Variants in MAP2K1 observed in about 807,000 individuals in gnomAD.
The protein encoded by MAP2K1 is mitogen-activated protein kinase kinase 1, also known as dual specificity mitogen-activated protein kinase kinase 1.
A neutral mutation model predicts 46.3 loss-of-function variants in MAP2K1; 16 were observed. The observed-to-expected ratio is 0.35, with a 90% confidence interval of 0.23 to 0.52. The LOEUF is 0.52. Ranked by LOEUF, MAP2K1 falls within the 20% of genes least tolerant of loss-of-function variation. The pLI is 0.94. For synonymous variants in MAP2K1, 183 were observed against 185.6 expected, an observed-to-expected ratio of 0.99 and a Z score of 0.11; for missense variants, 263 against 497.1, an observed-to-expected ratio of 0.53 and a Z score of 4.48.
At chr15:66,392,106 G>C (rs1293119196) in intron 1 of MAP2K1, among the ~76,000 whole-genome samples, 1 of 151,972 alleles carries the variant, frequency 6.6e-6, no homozygotes, top group Non-Finnish European at 1.5e-5. Context: ...CTACATTCAG[G>C]CTCTTAAAGT....
chr15:66,482,799 C>T (rs1005761768), intron 6 of MAP2K1, among the ~76,000 whole-genome samples: 7 of 152,072 alleles, frequency 4.6e-5, no homozygotes, highest in Non-Finnish European at 7.3e-5. Flanking sequence ...AAGGTGGAAA[C>T]GTGAGTCTGG....
intron 1 of MAP2K1, among the ~76,000 whole-genome samples, chr15:66,409,433 A>G: frequency 6.6e-6 from 1 of 152,116 alleles, no homozygotes; most frequent in Non-Finnish European, 1.5e-5. Context: ...TTGCATGCCA[A>G]GCTGCATACT....
chr15:66,465,159 G>A (rs1446979548), intron 5 of MAP2K1, among the ~76,000 whole-genome samples: 1 of 152,054 alleles, frequency 6.6e-6, no homozygotes, highest in Non-Finnish European at 1.5e-5. Context: ...GGGAGGCGGA[G>A]GTTGCAGTGA....
intron 1 of MAP2K1, among the ~76,000 whole-genome samples, chr15:66,414,149 AT>A (rs1480737798): frequency 2.6e-5 from 4 of 151,964 alleles, no homozygotes; most frequent in Admixed American, 2.0e-4. Flanking sequence ...CAAAAAATAG[AT>A]TTATAATCCT....
intron 3 of MAP2K1, among the ~76,000 whole-genome samples, chr15:66,437,680 G>A (rs147790679): frequency 1.5e-3 from 231 of 152,256 alleles, no homozygotes; most frequent in Non-Finnish European, 2.5e-3. Context: ...ATGAACTTTA[G>A]AAGAACCCTC....
intron 1 of MAP2K1, among the ~76,000 whole-genome samples, chr15:66,406,052 TACA>T (rs1227410306): frequency 1.3e-5 from 2 of 152,232 alleles, no homozygotes; most frequent in Non-Finnish European, 2.9e-5. Flanking sequence ...TGGCCAAAAT[TACA>T]ACAATAGATT....
intron 7 of MAP2K1, among the ~76,000 whole-genome samples, 200 bp from the exon 8 acceptor site, chr15:66,487,028 C>T (rs578063892): frequency 1.8e-4 from 28 of 152,254 alleles, no homozygotes; most frequent in South Asian, 8.3e-4. Context: ...CCAAAGGTTA[C>T]GAACTTAAGA....
At chr15:66,448,398 A>G (rs771631074) in intron 5 of MAP2K1, among the ~76,000 whole-genome samples, 1 of 152,196 alleles carries the variant, frequency 6.6e-6, no homozygotes, top group Non-Finnish European at 1.5e-5. Flanking sequence ...TGTGGTCCAT[A>G]GCCACATTTT....
At chr15:66,412,918 C>A (rs2093414865) in intron 1 of MAP2K1, among the ~76,000 whole-genome samples, 1 of 151,806 alleles carries the variant, frequency 6.6e-6, no homozygotes, top group Non-Finnish European at 1.5e-5. Context: ...TATTTTTTGA[C>A]ACAGTCTCTC....
chr15:66,418,541 G>C (rs949573075), intron 1 of MAP2K1, among the ~76,000 whole-genome samples: 1 of 152,142 alleles, frequency 6.6e-6, no homozygotes, highest in African/African-American at 2.4e-5. Context: ...ACAGGGAATG[G>C]GTAATGTCCA....
At chr15:66,400,437 A>C (rs2093378719) in intron 1 of MAP2K1, among the ~76,000 whole-genome samples, 1 of 152,156 alleles carries the variant, frequency 6.6e-6, no homozygotes, top group Admixed American at 6.6e-5. Flanking sequence ...AATCTTTCTG[A>C]CACATTGAGA....
At chr15:66,393,130 G>T (rs1203512010) in intron 1 of MAP2K1, among the ~76,000 whole-genome samples, 1 of 151,968 alleles carries the variant, frequency 6.6e-6, no homozygotes, top group African/African-American at 2.4e-5. Flanking sequence ...CTGGGTCTTA[G>T]GGTACATTGT....
intron 5 of MAP2K1, among the ~76,000 whole-genome samples, chr15:66,475,791 C>A (rs1289375054): frequency 6.6e-6 from 1 of 152,150 alleles, no homozygotes; most frequent in East Asian, 1.9e-4. Flanking sequence ...CTTACACGTG[C>A]ACATGTTCTT....
intron 1 of MAP2K1, among the ~76,000 whole-genome samples, chr15:66,415,999 A>G (rs2093423741): frequency 6.6e-6 from 1 of 151,792 alleles, no homozygotes; most frequent in African/African-American, 2.4e-5. Context: ...CTAGCTCCCC[A>G]CTCGCCTTCT....
In MAP2K1 at chr15:66,490,458, T is replaced by A. The variant is rs568444450; in HGVS notation, c.1069-44T>A. 3.5e-6 allele frequency: 5 copies of A among 1,427,396 alleles called. No homozygotes were observed. In the African/African-American group the frequency reaches 7.0e-5, roughly 20 times the overall value. The allele number at this position is 1,427,396 out of a possible 1,614,324, so 88.4% of individuals were successfully genotyped here. A position where few individuals can be genotyped will look rare whatever the true frequency, so the allele number is the denominator to read the frequency against. Reference sequence around the variant, plus strand: ...TTCCTTCCTGGTGGGTTTTGTTTTTTTGTTTCTTTTTAACACCACGTCCTC... The same window carrying A: ...TTCCTTCCTGGTGGGTTTTGTTTTTATGTTTCTTTTTAACACCACGTCCTC... On this transcript the variant is annotated intron_variant, in intron 10 of 10. Coordinates refer to ENST00000307102, the MANE Select transcript of MAP2K1 (RefSeq NM_002755.4).
chr15:66,395,902 T>C (rs2093366439), intron 1 of MAP2K1, among the ~76,000 whole-genome samples: 1 of 152,164 alleles, frequency 6.6e-6, no homozygotes, highest in South Asian at 2.1e-4. Context: ...TACTTGCCAC[T>C]ACACTTTAAC....
intron 1 of MAP2K1, among the ~76,000 whole-genome samples, chr15:66,419,902 A>AC (rs2093433544): frequency 6.6e-6 from 1 of 151,504 alleles, no homozygotes; most frequent in Non-Finnish European, 1.5e-5. Flanking sequence ...ACATAAACAA[A>AC]AAAAAAGTCT....
At chr15:66,455,877 A>G (rs141336299) in intron 5 of MAP2K1, among the ~76,000 whole-genome samples, 31 of 152,200 alleles carry the variant, frequency 2.0e-4, no homozygotes, top group African/African-American at 6.0e-4. Context: ...ATTGTATTCT[A>G]TTTCCCCTGG....
At chr15:66,458,622 TC>T (rs1316702930) in intron 5 of MAP2K1, among the ~76,000 whole-genome samples, 1 of 152,194 alleles carries the variant, frequency 6.6e-6, no homozygotes, top group Non-Finnish European at 1.5e-5. Context: ...GCTCAAGCGA[TC>T]CTCTCACCTC....
Sources: allele counts gnomAD v4.1 joint callset (sites outside exome capture counted in the v4.1 genomes callset), GRCh38; gene constraint gnomAD v4.1.1; transcripts MANE v1.5; gene names NCBI Gene and HGNC (gene_info 2026-07-23, HGNC 2026-07-21).